Variants in RBM20 observed in about 807,000 individuals in gnomAD.
The protein encoded by RBM20 is RNA-binding protein 20.
Under a neutral mutation model 110.1 loss-of-function variants are expected in RBM20, and 51 were observed. The ratio of observed to expected loss-of-function variants is 0.46; its 90% confidence interval spans 0.37 to 0.59. The LOEUF (loss-of-function observed/expected upper bound fraction) is 0.59, where lower values mean the gene tolerates loss of function less well. Among genes scored for constraint, RBM20 ranks in the 20% least tolerant of loss-of-function variants. The probability of loss-of-function intolerance (pLI) is 0.00; values close to 1 mark genes in which losing one functional copy is unlikely to be tolerated. For missense variants in RBM20, 1,512 were observed against 1,574.9 expected (o/e 0.96, Z 0.68); for synonymous variants, 589 against 618.2 (o/e 0.95, Z 0.70).
chr10:110,770,985 G>A (rs757827472), intron 1 of RBM20, among the ~76,000 whole-genome samples: 34 of 152,290 alleles, frequency 2.2e-4, no homozygotes, highest in Admixed American at 5.9e-4. Context: ...AATTTTGTCC[G>A]TGTTCAAAGA....
intron 1 of RBM20, among the ~76,000 whole-genome samples, chr10:110,728,856 C>A (rs907643210): frequency 1.3e-5 from 2 of 152,182 alleles, no homozygotes; most frequent in African/African-American, 4.8e-5. Flanking sequence ...ACCTCCTCTG[C>A]TGACCCGCTG....
intron 1 of RBM20, among the ~76,000 whole-genome samples, chr10:110,763,847 T>C (rs1844042644): frequency 6.6e-6 from 1 of 151,644 alleles, no homozygotes. Flanking sequence ...GCAACACTAT[T>C]GATATCTTGG....
chr10:110,746,159 G>T (rs1031314716), intron 1 of RBM20, among the ~76,000 whole-genome samples: 4 of 152,184 alleles, frequency 2.6e-5, no homozygotes, highest in Non-Finnish European at 4.4e-5. Flanking sequence ...TCATGCTGAA[G>T]GAGGCTGGTG....
intron 1 of RBM20, among the ~76,000 whole-genome samples, chr10:110,658,138 C>A (rs915577711): frequency 1.1e-4 from 17 of 152,076 alleles, no homozygotes; most frequent in Non-Finnish European, 2.1e-4. Flanking sequence ...GAACTTCAAA[C>A]TGAAAGAAAC....
At chr10:110,793,804 T>A (rs755007453) in intron 5 of RBM20, among the ~76,000 whole-genome samples, 2 of 152,234 alleles carry the variant, frequency 1.3e-5, no homozygotes, top group African/African-American at 4.8e-5. Context: ...TATGGAGGCA[T>A]CCTCAGGCCA....
At chr10:110,645,913 T>A (rs1208422529) in intron 1 of RBM20, among the ~76,000 whole-genome samples, 1 of 152,254 alleles carries the variant, frequency 6.6e-6, no homozygotes, top group Non-Finnish European at 1.5e-5. Flanking sequence ...ATATTATTCT[T>A]TTCTATTGTT....
At chr10:110,655,446 A>G (rs192672373) in intron 1 of RBM20, among the ~76,000 whole-genome samples, 8 of 152,306 alleles carry the variant, frequency 5.3e-5, no homozygotes, top group African/African-American at 1.7e-4. Flanking sequence ...GAGAGCACAT[A>G]AACACTTATA....
At chr10:110,723,110 TAAAA>T (rs575216610) in intron 1 of RBM20, among the ~76,000 whole-genome samples, 8 of 128,112 alleles carry the variant, frequency 6.2e-5, no homozygotes, top group Admixed American at 8.0e-5. Context: ...AGACTCCATC[TAAAA>T]AAAAAAAAAA....
chr10:110,722,893 C>T (rs184283850), intron 1 of RBM20, among the ~76,000 whole-genome samples: 312 of 152,236 alleles, frequency 2.0e-3, no homozygotes, highest in Non-Finnish European at 2.0e-3. Context: ...AGGCAGATCA[C>T]TTGGGGTCAG....
chr10:110,806,416 C>T (rs1187354945), intron 7 of RBM20, among the ~76,000 whole-genome samples: 1 of 152,146 alleles, frequency 6.6e-6, no homozygotes. Context: ...GGGAAGCAGA[C>T]ATGTCTTTCA....
At chr10:110,746,141 C>T (rs1843777404) in intron 1 of RBM20, among the ~76,000 whole-genome samples, 1 of 152,140 alleles carries the variant, frequency 6.6e-6, no homozygotes, top group Non-Finnish European at 1.5e-5. Flanking sequence ...TCTCTCTCCA[C>T]TAGAATCTCA....
rs979797641 is a variant in RBM20 at position 110,805,138 on chromosome 10, G to A, written c.1800+5220G>A. Among the ~76,000 whole-genome samples the A allele has an allele frequency of 4.2e-4, 64 of 152,154 alleles. 1 individual carries two copies. The highest frequency in any genetic ancestry group is 1.5e-3 in the African/African-American group (62 of 41,420). On this transcript the variant is annotated intron_variant, in intron 7 of 13. Coordinates refer to ENST00000369519, the MANE Select transcript of RBM20 (RefSeq NM_001134363.3). ...TTGGGAAGAGTTCACTCTCCAACTG[G>A]GAGACAAATTATTCTTGTGCAAAAT... is the stretch of plus-strand genomic sequence containing the variant.
intron 7 of RBM20, among the ~76,000 whole-genome samples, chr10:110,807,502 G>T (rs917775957): frequency 1.3e-5 from 2 of 152,212 alleles, no homozygotes; most frequent in Non-Finnish European, 2.9e-5. Context: ...GGAAGGGCCT[G>T]GGGGTGCCAT....
At chr10:110,791,830 C>T (rs149614089) in intron 5 of RBM20, among the ~76,000 whole-genome samples, 3 of 152,294 alleles carry the variant, frequency 2.0e-5, no homozygotes, top group East Asian at 3.9e-4. Flanking sequence ...GTAATTCAGG[C>T]TTTAGTCACA....
chr10:110,680,816 C>T (rs373328103), intron 1 of RBM20, among the ~76,000 whole-genome samples: 20 of 152,282 alleles, frequency 1.3e-4, no homozygotes, highest in African/African-American at 4.3e-4. Context: ...GGTCCGTTTG[C>T]TCAGCTGCTT....
chr10:110,724,226 A>G (rs1044423623), intron 1 of RBM20, among the ~76,000 whole-genome samples: 3 of 152,204 alleles, frequency 2.0e-5, no homozygotes, highest in African/African-American at 7.2e-5. Flanking sequence ...AAATGACCAA[A>G]CAAAACAAAA....
In RBM20 at chr10:110,839,008, A is replaced by G. The variant is rs894475589; in HGVS notation, c.*3030A>G. The G allele has an allele frequency of 6.6e-6, 1 of 152,218 alleles. No homozygotes were observed. Among genetic ancestry groups the G allele is most frequent in the Non-Finnish European group, 1.5e-5 (1 of 68,042 alleles). 9.4% of individuals were successfully genotyped at this position (152,218 alleles called of 1,614,324 possible). Reference sequence around the variant, plus strand: ...AAAGCTTTTCTTCAGTGTTTTGTCAACCATTTCAAAGTGTCTCCCAAAAAA... The same window carrying G: ...AAAGCTTTTCTTCAGTGTTTTGTCAGCCATTTCAAAGTGTCTCCCAAAAAA... On this transcript the variant is annotated 3_prime_UTR_variant, in exon 14 of 14. Coordinates refer to ENST00000369519, the MANE Select transcript of RBM20 (RefSeq NM_001134363.3).
chr10:110,696,142 G>C (rs373877705), intron 1 of RBM20, among the ~76,000 whole-genome samples: 1 of 152,172 alleles, frequency 6.6e-6, no homozygotes, highest in African/African-American at 2.4e-5. Flanking sequence ...GAGCCACACT[G>C]GGCTAGAGTT....
At chr10:110,695,898 T>C (rs1024276264) in intron 1 of RBM20, among the ~76,000 whole-genome samples, 3 of 152,192 alleles carry the variant, frequency 2.0e-5, no homozygotes, top group Non-Finnish European at 2.9e-5. Context: ...TAATAAAAAT[T>C]TGTTAAACGA....
Sources: allele counts gnomAD v4.1 joint callset (sites outside exome capture counted in the v4.1 genomes callset), GRCh38; gene constraint gnomAD v4.1.1; transcripts MANE v1.5; gene names NCBI Gene and HGNC (gene_info 2026-07-23, HGNC 2026-07-21).